Variants in ABCC4 observed in about 807,000 individuals in gnomAD.
The protein encoded by ABCC4 is ATP-binding cassette sub-family C member 4.
In ABCC4, 102 loss-of-function variants were observed where a neutral mutation model predicts 168.5. That is an observed-to-expected ratio of 0.61 (90% confidence interval 0.52 to 0.71). The LOEUF (loss-of-function observed/expected upper bound fraction) is 0.71, where lower values mean the gene tolerates loss of function less well. Ranked by LOEUF, ABCC4 falls within the 30% of genes least tolerant of loss-of-function variation. ABCC4 has a pLI of 0.00. For missense variants in ABCC4, 1,402 were observed against 1,605.8 expected (o/e 0.87, Z 2.17); for synonymous variants, 617 against 590.7 (o/e 1.04, Z -0.65).
intron 19 of ABCC4, among the ~76,000 whole-genome samples, chr13:95,160,026 T>G (rs2037041009): frequency 6.6e-6 from 1 of 152,132 alleles, no homozygotes; most frequent in Non-Finnish European, 1.5e-5. Context: ...TTCAATTTGG[T>G]GGGTATGAAT....
intron 26 of ABCC4, among the ~76,000 whole-genome samples, chr13:95,059,489 C>T (rs765716297): frequency 6.6e-6 from 1 of 152,166 alleles, no homozygotes; most frequent in Non-Finnish European, 1.5e-5. Flanking sequence ...GCTGCCTGCT[C>T]GCGAAATGCA....
intron 1 of ABCC4, among the ~76,000 whole-genome samples, chr13:95,252,813 G>A (rs1407003479): frequency 6.6e-6 from 1 of 152,228 alleles, no homozygotes; most frequent in Non-Finnish European, 1.5e-5. Context: ...TCGGACTGGG[G>A]GGACTACTGT....
intron 4 of ABCC4, among the ~76,000 whole-genome samples, chr13:95,222,211 C>T (rs2039328230): frequency 7.2e-6 from 1 of 138,860 alleles, no homozygotes; most frequent in Non-Finnish European, 1.6e-5. Context: ...CTCCACAGCT[C>T]ATAAACATCT....
chr13:95,211,764 T>A (rs2038963262), intron 4 of ABCC4, among the ~76,000 whole-genome samples: 1 of 151,866 alleles, frequency 6.6e-6, no homozygotes, highest in Non-Finnish European at 1.5e-5. Context: ...GCCAGGAGAC[T>A]ACTGGAAGGA....
intron 14 of ABCC4, among the ~76,000 whole-genome samples, chr13:95,169,988 C>T (rs868683907): frequency 2.0e-5 from 3 of 152,212 alleles, no homozygotes; most frequent in Admixed American, 6.5e-5. Flanking sequence ...TCCTGAGTAG[C>T]TGGGACTACA....
At position 95,043,789 on chromosome 13, in the gene ABCC4, T is replaced by C; in HGVS notation, c.3630-2A>G. 1 of 1,608,004 alleles carries C rather than the reference T, an allele frequency of 6.2e-7. No homozygotes were observed. Among genetic ancestry groups the C allele is most frequent in the Non-Finnish European group, 8.5e-7 (1 of 1,174,954 alleles). On this transcript the variant is annotated splice_acceptor_variant, in intron 28 of 30. Coordinates refer to ENST00000645237, the MANE Select transcript of ABCC4 (RefSeq NM_005845.5). LOFTEE classifies it high-confidence loss of function. ...TTTTTTTGTATTAACTCATCAGTTC[T>C]GCAATCAAAGAAGTTAAGTTTAATT...
At chr13:95,225,243 T>C (rs1011368163) in intron 4 of ABCC4, among the ~76,000 whole-genome samples, 33 of 151,944 alleles carry the variant, frequency 2.2e-4, no homozygotes, top group Admixed American at 6.6e-5. Context: ...ATTATCTAAA[T>C]AGCTATCCTA....
intron 3 of ABCC4, among the ~76,000 whole-genome samples, chr13:95,246,570 A>G (rs927436868): frequency 1.1e-4 from 16 of 152,238 alleles, no homozygotes; most frequent in Non-Finnish European, 2.2e-4. Context: ...GCTCCGATCC[A>G]AAATCACTTC....
At position 95,083,285 on chromosome 13, in the gene ABCC4, C is replaced by A. The variant is rs764479887; in HGVS notation, c.2541G>T (p.Leu847Phe). 2.5e-6 allele frequency: 4 copies of A among 1,613,358 alleles called. No individual in the cohort carries two copies. The highest frequency in any genetic ancestry group is 3.4e-6 in the Non-Finnish European group (4 of 1,179,738). The change falls in exon 21 of 31, where the codon TTG (leucine) becomes TTT (phenylalanine). Residue 847 changes from leucine (L) to phenylalanine (F), a missense_variant. Coordinates refer to ENST00000645237, the MANE Select transcript of ABCC4 (RefSeq NM_005845.5). The stretch of plus-strand genomic sequence containing the variant: ...CAGAGACCACACCAACCACTTGTAG[C>A]AATGTCTGAAATAGCAGAAGTAGAT... ...PLTFLDFIQT[L>F]LQVVGVVSVA...
chr13:95,157,728 G>C (rs2036917939), intron 19 of ABCC4, among the ~76,000 whole-genome samples: 1 of 152,278 alleles, frequency 6.6e-6, no homozygotes, highest in South Asian at 2.1e-4. Context: ...GTTCGAAATG[G>C]AGAGGAACTT....
At chr13:95,067,152 A>T (rs768204531) in intron 25 of ABCC4, among the ~76,000 whole-genome samples, 1 of 152,204 alleles carries the variant, frequency 6.6e-6, no homozygotes, top group South Asian at 2.1e-4. Context: ...ACTCAAATAC[A>T]TCGCTGTGCT....
chr13:95,211,772 G>A (rs1255972031), intron 4 of ABCC4, among the ~76,000 whole-genome samples: 4 of 152,150 alleles, frequency 2.6e-5, no homozygotes, highest in African/African-American at 9.7e-5. Context: ...ACTACTGGAA[G>A]GAGGAGAATG....
chr13:95,258,207 C>T (rs1164090153), intron 1 of ABCC4, among the ~76,000 whole-genome samples: 1 of 152,144 alleles, frequency 6.6e-6, no homozygotes, highest in Non-Finnish European at 1.5e-5. Context: ...AATAGAAAAG[C>T]CAGAGTGGAT....
At position 95,024,205 on chromosome 13, in the gene ABCC4, T is replaced by C. The variant is rs1345244787; in HGVS notation, c.3871-2523A>G. On this transcript the variant is annotated intron_variant, in intron 30 of 30. Coordinates refer to ENST00000645237, the MANE Select transcript of ABCC4 (RefSeq NM_005845.5). ...CTGGGTGACAGAGTGAGAGACTGTC[T>C]CAAAAAAAAAAAAAAAAAAAAAAGT... Among the ~76,000 whole-genome samples, 5 of 44,522 alleles carry C rather than the reference T, an allele frequency of 1.1e-4. No individual in the cohort carries two copies. The East Asian group carries it at 2.4e-3, about 21-fold the overall frequency. 29.2% of individuals were successfully genotyped at this position (44,522 alleles called of 152,430 possible).
chr13:95,104,766 T>C (rs975190341), intron 20 of ABCC4, among the ~76,000 whole-genome samples: 3 of 151,974 alleles, frequency 2.0e-5, no homozygotes, highest in Admixed American at 6.6e-5. Context: ...AGGCCAAGGA[T>C]TGGGGCAGAG....
At chr13:95,241,908 T>C (rs1056356531) in intron 3 of ABCC4, among the ~76,000 whole-genome samples, 1 of 152,116 alleles carries the variant, frequency 6.6e-6, no homozygotes, top group African/African-American at 2.4e-5. Flanking sequence ...CACTGCACAG[T>C]TGTTCTGTAA....
At position 95,096,655 on chromosome 13, in the gene ABCC4, CAGT is replaced by C. The variant is rs2034609254; in HGVS notation, c.2536-13368_2536-13366del. Among the ~76,000 whole-genome samples, 4 of 151,628 alleles carry C rather than the reference CAGT, an allele frequency of 2.6e-5. No homozygotes were observed. The South Asian group carries it at 8.3e-4, about 31-fold the overall frequency. ...AGAAGACAATGATGTGATATATGTA[CAGT>C]GCCAAAAAAAGGAAAAAAAAAGAAA... On this transcript the variant is annotated intron_variant, in intron 20 of 30. Coordinates refer to ENST00000645237, the MANE Select transcript of ABCC4 (RefSeq NM_005845.5).
intron 19 of ABCC4, among the ~76,000 whole-genome samples, chr13:95,116,662 A>T (rs2035389414): frequency 6.6e-6 from 1 of 152,208 alleles, no homozygotes; most frequent in Admixed American, 6.5e-5. Context: ...ATGACTGAAG[A>T]TCACTGCTTA....
chr13:95,158,495 C>A (rs1191059409), intron 19 of ABCC4, among the ~76,000 whole-genome samples: 1 of 152,130 alleles, frequency 6.6e-6, no homozygotes, highest in Non-Finnish European at 1.5e-5. Flanking sequence ...AAACTACATG[C>A]CAGCAGAGGT....
Sources: gnomAD v4.1 joint callset for allele counts (sites outside exome capture counted in the v4.1 genomes callset) on GRCh38, gnomAD v4.1.1 for gene constraint, MANE v1.5 for transcripts, NCBI Gene and HGNC (gene_info 2026-07-23, HGNC 2026-07-21) for gene names.